RASGRF2: variants seen among roughly 807,000 people sequenced by gnomAD.
The protein encoded by RASGRF2 is ras-specific guanine nucleotide-releasing factor 2.
Under a neutral mutation model 151.0 loss-of-function variants are expected in RASGRF2, and 76 were observed. That is an observed-to-expected ratio of 0.50 (90% CI 0.42 to 0.61). RASGRF2 has a LOEUF of 0.61. RASGRF2 is among the 20% of genes least tolerant of loss of function. RASGRF2 has a pLI of 0.00. For missense variants in RASGRF2, 1,148 were observed against 1,564.6 expected (o/e 0.73, Z 4.49); for synonymous variants, 504 against 566.5 (o/e 0.89, Z 1.57).
chr5:81,081,296 C>A (rs1417232560), intron 7 of RASGRF2, among the ~76,000 whole-genome samples: 1 of 152,136 alleles, frequency 6.6e-6, no homozygotes, highest in Non-Finnish European at 1.5e-5. Context: ...AAAAGGAGGA[C>A]CTCCCTGGTC....
At chr5:81,193,337 T>A (rs2112698402) in intron 18 of RASGRF2, among the ~76,000 whole-genome samples, 1 of 152,302 alleles carries the variant, frequency 6.6e-6, no homozygotes, top group Non-Finnish European at 1.5e-5. Context: ...TGGTGTATGA[T>A]CTAGCCTCAT....
chr5:81,008,791 C>T lies in RASGRF2; in HGVS notation c.289-34086C>T, dbSNP rs888815. Among the ~76,000 whole-genome samples, 869 of 152,172 alleles carry T rather than the reference C, an allele frequency of 5.7e-3. 5 individuals are homozygous for T. Among genetic ancestry groups the T allele is most frequent in the African/African-American group, 0.02 (849 of 41,500 alleles). ...AAATGGCTAGGGTGGCATCTAGAACCATTATAAAATTCAAGGGCAGAATAG... is the reference window on the plus strand; with the variant it reads ...AAATGGCTAGGGTGGCATCTAGAACTATTATAAAATTCAAGGGCAGAATAG... On this transcript the variant is annotated intron_variant, in intron 1 of 26. Transcript: ENST00000265080.
At chr5:80,975,559 C>A (rs1332912666) in intron 1 of RASGRF2, among the ~76,000 whole-genome samples, 1 of 152,162 alleles carries the variant, frequency 6.6e-6, no homozygotes, top group African/African-American at 2.4e-5. Flanking sequence ...AGTCAAATTA[C>A]AACTAATCCT....
chr5:81,216,789 C>T (rs1463908696), intron 24 of RASGRF2, among the ~76,000 whole-genome samples: 1 of 152,238 alleles, frequency 6.6e-6, no homozygotes, highest in Non-Finnish European at 1.5e-5. Context: ...AGCCTCCGGC[C>T]TCTGAGAAGA....
intron 12 of RASGRF2, among the ~76,000 whole-genome samples, chr5:81,103,662 A>T (rs1409308479): frequency 6.6e-6 from 1 of 152,184 alleles, no homozygotes; most frequent in African/African-American, 2.4e-5. Flanking sequence ...ACGTCGAGGT[A>T]AAACTATGGA....
At chr5:81,215,054 A>G (rs1755703647) in intron 23 of RASGRF2, among the ~76,000 whole-genome samples, 1 of 152,080 alleles carries the variant, frequency 6.6e-6, no homozygotes, top group African/African-American at 2.4e-5. Flanking sequence ...AAGATTCTAT[A>G]TTCGGCCTGG....
intron 1 of RASGRF2, among the ~76,000 whole-genome samples, chr5:80,969,247 A>C (rs1265786009): frequency 7.0e-6 from 1 of 143,310 alleles, no homozygotes; most frequent in Admixed American, 7.2e-5. Flanking sequence ...TCTCCTGTGT[A>C]AGCCTCCTGA....
At chr5:81,218,479 G>A (rs1426565939) in intron 25 of RASGRF2, among the ~76,000 whole-genome samples, 1 of 152,096 alleles carries the variant, frequency 6.6e-6, no homozygotes, top group Non-Finnish European at 1.5e-5. Flanking sequence ...TTACGTTTTT[G>A]TTTCTTTTGT....
chr5:81,169,758 A>T (rs1754600277), intron 17 of RASGRF2, among the ~76,000 whole-genome samples: 1 of 151,896 alleles, frequency 6.6e-6, no homozygotes, highest in African/African-American at 2.4e-5. Flanking sequence ...ATCACCAATG[A>T]TTCTTACCAT....
intron 7 of RASGRF2, among the ~76,000 whole-genome samples, chr5:81,084,748 G>C (rs1327103305): frequency 3.3e-5 from 5 of 152,212 alleles, no homozygotes; most frequent in Non-Finnish European, 7.3e-5. Flanking sequence ...TGCACACAGG[G>C]TCCTGGAAAG....
intron 8 of RASGRF2, 119 bp from the exon 9 acceptor site, chr5:81,086,716 C>G: frequency 1.3e-6 from 1 of 788,208 alleles, no homozygotes; most frequent in Non-Finnish European, 2.0e-6. Flanking sequence ...TTCCCCCAAA[C>G]CCCCGGTTCA....
intron 1 of RASGRF2, among the ~76,000 whole-genome samples, chr5:81,024,118 A>G (rs995565334): frequency 1.3e-5 from 2 of 152,156 alleles, no homozygotes; most frequent in African/African-American, 4.8e-5. Flanking sequence ...GGATTATCTC[A>G]TAGGCATGGC....
At chr5:81,012,530 G>C (rs73766159) in intron 1 of RASGRF2, among the ~76,000 whole-genome samples, 1 of 152,060 alleles carries the variant, frequency 6.6e-6, no homozygotes, top group Non-Finnish European at 1.5e-5. Flanking sequence ...GAATCTAGAC[G>C]GCGTCTGTCG....
intron 2 of RASGRF2, among the ~76,000 whole-genome samples, chr5:81,046,347 G>A (rs934745429): frequency 2.0e-5 from 3 of 151,860 alleles, no homozygotes; most frequent in Non-Finnish European, 4.4e-5. Context: ...CATTTTCTGG[G>A]ATGTCCCATT....
intron 17 of RASGRF2, among the ~76,000 whole-genome samples, chr5:81,135,003 C>T (rs1753719148): frequency 6.6e-6 from 1 of 151,756 alleles, no homozygotes; most frequent in Non-Finnish European, 1.5e-5. Flanking sequence ...ATACAATTAA[C>T]CTGTTTAAAG....
At position 80,989,177 on chromosome 5, in the gene RASGRF2, G is replaced by A. The variant is rs1580172227; in HGVS notation, c.288+28151G>A. ...GTAGAGATGGGGTTTCTCCATGTTG[G>A]CCAGGCTGGTCTCGAACTCCTGGCC... is the stretch of plus-strand genomic sequence containing the variant. On this transcript the variant is annotated intron_variant, in intron 1 of 26. Coordinates refer to ENST00000265080, the MANE Select transcript of RASGRF2 (RefSeq NM_006909.3). 2.6e-5 allele frequency among the ~76,000 whole-genome samples: 4 copies of A among 152,062 alleles called. 1 individual carries two copies. Among genetic ancestry groups the A allele is most frequent in the Admixed American group, 2.6e-4 (4 of 15,266 alleles).
At chr5:81,066,708 C>T (rs1050497783) in intron 2 of RASGRF2, among the ~76,000 whole-genome samples, 1 of 152,164 alleles carries the variant, frequency 6.6e-6, no homozygotes, top group Non-Finnish European at 1.5e-5. Context: ...TATGGCTGCC[C>T]AAAAATGGCA....
chr5:81,024,300 C>T (rs1397663424), intron 1 of RASGRF2, among the ~76,000 whole-genome samples: 1 of 116,788 alleles, frequency 8.6e-6, no homozygotes, highest in Non-Finnish European at 1.7e-5. Context: ...GCTTTTGTTG[C>T]CCAGCCTGGA....
At chr5:81,113,380 T>C in intron 14 of RASGRF2, 158 bp from the exon 15 acceptor site, 1 of 830,546 alleles carries the variant, frequency 1.2e-6, no homozygotes, top group South Asian at 1.8e-5. Context: ...CTTTGGCAGG[T>C]GGAGGGTATA....
Sources: allele counts gnomAD v4.1 joint callset (sites outside exome capture counted in the v4.1 genomes callset), GRCh38; gene constraint gnomAD v4.1.1; transcripts MANE v1.5; gene names NCBI Gene and HGNC (gene_info 2026-07-23, HGNC 2026-07-21).